MAOA: variants seen among roughly 807,000 people sequenced by gnomAD.
MAOA encodes monoamine oxidase A, also known as amine oxidase [flavin-containing] A.
A neutral mutation model predicts 42.0 loss-of-function variants in MAOA; 6 were observed. That is an observed-to-expected ratio of 0.14 (90% CI 0.08 to 0.28). The LOEUF is 0.28. MAOA is among the 10% of genes least tolerant of loss of function. The pLI is 1.00. For missense variants in MAOA, 262 were observed against 422.3 expected, an observed-to-expected ratio of 0.62 and a Z score of 3.33; for synonymous variants, 140 against 154.0, an observed-to-expected ratio of 0.91 and a Z score of 0.67.
At chrX:43,685,209 A>C (rs1405238975) in intron 2 of MAOA, among the ~76,000 whole-genome samples, 1 of 111,195 alleles carries the variant, frequency 9.0e-6, no homozygotes, top group Admixed American at 9.6e-5. Flanking sequence ...ATGTAGGTTT[A>C]TTGTCTTGTG....
At chrX:43,736,203 A>G in intron 9 of MAOA, 24 bp from the exon 10 acceptor site, 1 of 1,151,866 alleles carries the variant, frequency 8.7e-7, no homozygotes, top group East Asian at 3.1e-5. Context: ...TAACCTGATC[A>G]TTCAATGTAA....
rs761852054 is a variant in MAOA at position 43,656,428 on chromosome X, G to A, written c.73+14G>A. 5.0e-5 allele frequency: 60 copies of A among 1,202,995 alleles called. No individual in the cohort carries two copies. Among genetic ancestry groups the A allele is most frequent in the South Asian group, 3.5e-5 (2 of 56,670 alleles). ...GTGGCATTTCAGGTCAGTGTGGACC[G>A]TAGCGGTGGCCTGGGGGACCCTGGC... On this transcript the variant is annotated intron_variant, in intron 1 of 14. Transcript: ENST00000338702.
chrX:43,725,337 C>T (rs1208562373), intron 5 of MAOA, among the ~76,000 whole-genome samples: 2 of 111,768 alleles, frequency 1.8e-5, no homozygotes, highest in East Asian at 2.8e-4. Context: ...ACTTGCTTTA[C>T]GAACCTGGAT....
At chrX:43,721,031 C>T (rs1402778114) in intron 5 of MAOA, among the ~76,000 whole-genome samples, 3 of 110,726 alleles carry the variant, frequency 2.7e-5, no homozygotes, top group South Asian at 3.9e-4. Flanking sequence ...AGAAATGAAC[C>T]AGAGGAGTAG....
chrX:43,708,671 T>A (rs1220273558), intron 3 of MAOA, among the ~76,000 whole-genome samples: 1 of 107,536 alleles, frequency 9.3e-6, no homozygotes, highest in Non-Finnish European at 1.9e-5. Flanking sequence ...TGTTTTTTTT[T>A]TTTTTTCTTT....
intron 2 of MAOA, among the ~76,000 whole-genome samples, chrX:43,688,584 A>G (rs948510036): frequency 8.9e-6 from 1 of 112,407 alleles, no homozygotes; most frequent in Non-Finnish European, 1.9e-5. Flanking sequence ...TCATGGTAAC[A>G]ATCCTTGAGG....
At chrX:43,707,249 T>G (rs1010059603) in intron 3 of MAOA, among the ~76,000 whole-genome samples, 1 of 111,341 alleles carries the variant, frequency 9.0e-6, no homozygotes, top group Non-Finnish European at 1.9e-5. Context: ...TTGGGACAAC[T>G]AGCACTATCT....
intron 5 of MAOA, among the ~76,000 whole-genome samples, chrX:43,724,868 G>A (rs902349143): frequency 9.8e-5 from 11 of 112,082 alleles, no homozygotes; most frequent in Admixed American, 5.7e-4. Context: ...ATTCTGGTAC[G>A]TTGTGTCTTT....
At chrX:43,719,687 G>T (rs1246697262) in intron 5 of MAOA, among the ~76,000 whole-genome samples, 1 of 111,286 alleles carries the variant, frequency 9.0e-6, no homozygotes, top group Non-Finnish European at 1.9e-5. Context: ...GGGGAAGCGG[G>T]GGAATGATGG....
In MAOA at chrX:43,667,759, A is replaced by G. The variant is rs189858890; in HGVS notation, c.73+11345A>G. Among the ~76,000 whole-genome samples, 3 of 111,583 alleles carry G rather than the reference A, an allele frequency of 2.7e-5. No individual in the cohort carries two copies. In the Admixed American group the frequency reaches 2.9e-4, roughly 11 times the overall value. On this transcript the variant is annotated intron_variant, in intron 1 of 14. Transcript: ENST00000338702. ...ATTCCACTTCAGCCCCAAGCACTAT[A>G]ACCCAAAAATAACTGCTATGATAGT...
rs779552333 is a variant in MAOA, at chrX:43,679,970, GA to G, written c.74-3539del. 2.7e-5 allele frequency among the ~76,000 whole-genome samples: 3 copies of G among 112,024 alleles called. No individual in the cohort carries two copies. In the East Asian group the frequency reaches 8.4e-4, roughly 31 times the overall value. On this transcript the variant is annotated intron_variant, in intron 1 of 14. Transcript: ENST00000338702. ...CAGCACAAACTTTGGCTGTGTTCCA[GA>G]AAACATATTGCGCCAAGACTGGCAG...
intron 2 of MAOA, 39 bp downstream of exon 2, chrX:43,683,646 A>T (rs2033461374): frequency 5.8e-6 from 6 of 1,033,383 alleles, no homozygotes; most frequent in Non-Finnish European, 8.2e-6. Context: ...GTAATATCTC[A>T]CTCAAACTAC....
intron 1 of MAOA, among the ~76,000 whole-genome samples, chrX:43,669,218 G>A (rs1358757054): frequency 9.5e-6 from 1 of 105,564 alleles, no homozygotes; most frequent in Non-Finnish European, 1.9e-5. Flanking sequence ...AGACCAACCT[G>A]GCCAACATGG....
chrX:43,732,479 T>C (rs1244999592), intron 8 of MAOA, among the ~76,000 whole-genome samples: 1 of 111,376 alleles, frequency 9.0e-6, no homozygotes, highest in Non-Finnish European at 1.9e-5. Context: ...ATAAGCCCTT[T>C]ATGTAAAGGT....
chrX:43,677,218 A>G (rs758183259), intron 1 of MAOA, among the ~76,000 whole-genome samples: 8 of 112,033 alleles, frequency 7.1e-5, no homozygotes, highest in African/African-American at 2.6e-4. Context: ...CAAAAGCTTC[A>G]TTGCACAAAT....
chrX:43,733,369 C>G (rs2033896925), intron 9 of MAOA, among the ~76,000 whole-genome samples: 1 of 111,634 alleles, frequency 9.0e-6, no homozygotes, highest in Non-Finnish European at 1.9e-5. Flanking sequence ...TGGTGCTTCA[C>G]TTAACCTCTA....
chrX:43,681,170 A>C (rs2033439139), intron 1 of MAOA, among the ~76,000 whole-genome samples: 1 of 111,533 alleles, frequency 9.0e-6, no homozygotes, highest in Non-Finnish European at 1.9e-5. Context: ...GCCATAGTTC[A>C]TTGTAGTGAG....
upstream of MAOA, chrX:43,656,176 A>C: frequency 2.2e-6 from 1 of 461,910 alleles, no homozygotes; most frequent in Non-Finnish European, 3.8e-6. Context: ...CTCCCGGAGT[A>C]TCAGCAAAAG....
chrX:43,712,872 TG>T (rs2033710401), intron 5 of MAOA, 76 bp downstream of exon 5: 1 of 718,023 alleles, frequency 1.4e-6, no homozygotes, highest in South Asian at 2.3e-5. Flanking sequence ...TGAACTGCAG[TG>T]CTTTTCTTAA....
Sources: gnomAD v4.1 joint callset for allele counts (sites outside exome capture counted in the v4.1 genomes callset) on GRCh38, gnomAD v4.1.1 for gene constraint, MANE v1.5 for transcripts, NCBI Gene and HGNC (gene_info 2026-07-23, HGNC 2026-07-21) for gene names.